The following CST8 variants were observed in gnomAD, a reference collection of about 807,000 sequenced individuals.
The protein encoded by CST8 is cystatin-8.
CST8 carries 20 observed loss-of-function variants against 11.8 expected under a neutral mutation model. The observed-to-expected ratio is 1.70, with a 90% confidence interval of 1.20 to 2.47. The LOEUF (loss-of-function observed/expected upper bound fraction) is 2.47. Among genes scored for constraint, CST8 ranks in the 30% most tolerant of loss-of-function variants. The pLI is 0.00. For missense variants in CST8, 196 were observed against 167.2 expected (o/e 1.17, Z -0.95); for synonymous variants, 77 against 63.1 (o/e 1.22, Z -1.05).
At chr20:23,502,839 C>A in the CST8 span, among the ~76,000 whole-genome samples, 1 of 152,158 alleles carries the variant, frequency 6.6e-6, no homozygotes, top group Non-Finnish European at 1.5e-5. Flanking sequence ...AATTTTAATT[C>A]TTGAAAAACT....
chr20:23,495,258 G>A (rs3004103), intron 3 of CST8, among the ~76,000 whole-genome samples: 58,536 of 151,928 alleles, frequency 0.39, 12,391 homozygotes, highest in Non-Finnish European at 0.47. Context: ...TACTGTGAAT[G>A]GTGCTGCAGT....
downstream of CST8, among the ~76,000 whole-genome samples, chr20:23,500,729 C>G (rs1988162160): frequency 8.0e-6 from 1 of 125,524 alleles, no homozygotes; most frequent in East Asian, 2.6e-4. Context: ...TCCGCTGATT[C>G]TTTCTGGACC....
the CST8 span, among the ~76,000 whole-genome samples, chr20:23,503,780 C>G: frequency 6.6e-6 from 1 of 152,220 alleles, no homozygotes; most frequent in Non-Finnish European, 1.5e-5. Context: ...AGGACTGCGC[C>G]CCGCCACTCT....
At position 23,491,888 on chromosome 20, in the gene CST8, C is replaced by T. The variant is rs574083273; in HGVS notation, c.221C>T (p.Ala74Val). 13 of 1,613,432 alleles carry T rather than the reference C, an allele frequency of 8.1e-6. No individual in the cohort carries two copies. In the African/African-American group the frequency reaches 1.1e-4, roughly 13 times the overall value. The change falls in exon 2 of 4, where the codon GCC becomes GTC. Residue 74 changes from alanine to valine, a missense_variant. By Grantham distance (64) the Ala-to-Val change is moderately conservative. Coordinates refer to ENST00000246012, the MANE Select transcript of CST8 (RefSeq NM_005492.4). ...TTCCTGGTGGTCAAGACACTGCAAG[C>T]CCAGCTTCAGGTAAAGGTGTCTTTC... The part of the protein sequence containing the change: ...YVFLVVKTLQ[A>V]QLQVTNLLEY...
intron 3 of CST8, among the ~76,000 whole-genome samples, chr20:23,493,642 C>A (rs78968041): frequency 0.03 from 4,499 of 152,292 alleles, 204 homozygotes; most frequent in African/African-American, 0.099. Flanking sequence ...GGCAAACCCA[C>A]AGACTCCCAA....
At chr20:23,491,403 T>A (rs1053641327) in intron 1 of CST8, 61 bp downstream of exon 1, 2 of 515,414 alleles carry the variant, frequency 3.9e-6, no homozygotes, top group African/African-American at 3.8e-5. Context: ...CACAGATTGC[T>A]CTCAGGGTAA....
chr20:23,500,895 A>G (rs1988166936), downstream of CST8, among the ~76,000 whole-genome samples: 1 of 152,122 alleles, frequency 6.6e-6, no homozygotes. Flanking sequence ...AACTCCGTCT[A>G]GAAAAAAAAT....
chr20:23,492,947 C>T lies in CST8; in HGVS notation c.232-11C>T, dbSNP rs1987933657. 1 of 1,468,284 alleles carries T rather than the reference C, an allele frequency of 6.8e-7. No individual in the cohort carries two copies. Among genetic ancestry groups the T allele is most frequent in the Non-Finnish European group, 9.5e-7 (1 of 1,048,134 alleles). 91.0% of individuals were successfully genotyped at this position (1,468,284 alleles called of 1,614,324 possible). A position where few individuals can be genotyped will look rare whatever the true frequency, so the allele number is the denominator to read the frequency against. On this transcript the variant is annotated splice_polypyrimidine_tract_variant and intron_variant, in intron 2 of 3. Transcript: ENST00000246012. The stretch of plus-strand genomic sequence containing the variant: ...TCTTTTGAATAAAATTGCATAATTG[C>T]TAACCAACAGGTCACAAATCTTCTG...
the CST8 span, among the ~76,000 whole-genome samples, chr20:23,506,601 AT>A: frequency 2.3e-3 from 343 of 150,954 alleles, no homozygotes; most frequent in African/African-American, 7.2e-3. Flanking sequence ...TATCACACAG[AT>A]TTTTTTTTTC....
chr20:23,505,436 G>A, the CST8 span, among the ~76,000 whole-genome samples: 13 of 151,896 alleles, frequency 8.6e-5, no homozygotes, highest in East Asian at 1.9e-4. Flanking sequence ...GAGCCACCGC[G>A]CCCAGCCACA....
the CST8 span, among the ~76,000 whole-genome samples, chr20:23,505,086 G>A: frequency 2.0e-5 from 3 of 150,794 alleles, no homozygotes; most frequent in African/African-American, 4.9e-5. Context: ...TAAGATGACC[G>A]TAACGCACCC....
the CST8 span, among the ~76,000 whole-genome samples, chr20:23,502,748 C>CGACA: frequency 6.6e-6 from 1 of 152,214 alleles, no homozygotes; most frequent in Non-Finnish European, 1.5e-5. Context: ...TCAGAATTGT[C>CGACA]TGATGGAACT....
chr20:23,505,379 C>A, the CST8 span, among the ~76,000 whole-genome samples: 1 of 152,096 alleles, frequency 6.6e-6, no homozygotes, highest in Non-Finnish European at 1.5e-5. Context: ...CTCCTGACCT[C>A]ATGATCTGCC....
At chr20:23,492,069 C>A (rs1314520436) in intron 2 of CST8, among the ~76,000 whole-genome samples, 171 bp downstream of exon 2, 1 of 152,220 alleles carries the variant, frequency 6.6e-6, no homozygotes, top group African/African-American at 2.4e-5. Context: ...ACACACAGAG[C>A]ACTTTCTACA....
the CST8 span, among the ~76,000 whole-genome samples, chr20:23,501,689 G>T: frequency 1.3e-5 from 2 of 152,212 alleles, no homozygotes; most frequent in African/African-American, 4.8e-5. Context: ...TTTGGATCCT[G>T]CCCAGGGAAG....
chr20:23,497,657 C>T (rs551968261), downstream of CST8, among the ~76,000 whole-genome samples: 23 of 152,310 alleles, frequency 1.5e-4, no homozygotes, highest in African/African-American at 5.3e-4. Flanking sequence ...ACAATCACGG[C>T]AGAAGGTGAA....
chr20:23,491,691 C>T lies in CST8; in HGVS notation c.24C>T (p.Ser8=). Residue 8 remains serine (S), a synonymous_variant, in exon 2 of 4, where the codon TCC becomes TCT. Transcript: ENST00000246012. MPRCRWL[S]LILLTIPLAL... ...CCATGCCCAGGTGCCGGTGGCTCTC[C>T]CTGATCCTCCTCACCATTCCCCTGG... 1.2e-6 allele frequency: 2 copies of T among 1,613,944 alleles called. No homozygotes were observed. The highest frequency in any genetic ancestry group is 1.7e-6 in the Non-Finnish European group (2 of 1,179,874).
downstream of CST8, among the ~76,000 whole-genome samples, chr20:23,499,734 T>C (rs1452645536): frequency 1.3e-5 from 2 of 152,158 alleles, no homozygotes; most frequent in African/African-American, 2.4e-5. Context: ...CGACCAGTCA[T>C]GGCCATGCTG....
chr20:23,492,877 T>G, intron 2 of CST8, 81 bp from the exon 3 acceptor site: 1 of 838,778 alleles, frequency 1.2e-6, no homozygotes. Flanking sequence ...AGGACGAGAG[T>G]AAGAGTAATT....
Sources: allele counts gnomAD v4.1 joint callset (sites outside exome capture counted in the v4.1 genomes callset), GRCh38; gene constraint gnomAD v4.1.1; transcripts MANE v1.5; gene names NCBI Gene and HGNC (gene_info 2026-07-23, HGNC 2026-07-21).